Variants in ZNF232 observed in about 807,000 individuals in gnomAD.
ZNF232 encodes zinc finger and SCAN domain-containing protein 11.
In ZNF232, 25 loss-of-function variants were observed where a neutral mutation model predicts 25.2. The observed-to-expected ratio is 0.99, with a 90% CI of 0.72 to 1.39. ZNF232 has a LOEUF of 1.39. ZNF232 is among the 40% of genes most tolerant of loss of function. ZNF232 has a pLI of 0.00. For missense variants in ZNF232, 519 were observed against 520.9 expected, an observed-to-expected ratio of 1.00 and a Z score of 0.04; for synonymous variants, 193 against 182.9, an observed-to-expected ratio of 1.06 and a Z score of -0.45.
chr17:5,116,444 G>T (rs1478079936), upstream of ZNF232: 1 of 152,312 alleles, frequency 6.6e-6, no homozygotes, highest in South Asian at 2.1e-4. Flanking sequence ...GTGAGCCGCC[G>T]TCTCGTGTGG....
chr17:5,116,694 C>CG (rs2072546853), upstream of ZNF232: 1 of 152,250 alleles, frequency 6.6e-6, no homozygotes, highest in African/African-American at 2.4e-5. Flanking sequence ...AGACCGCTTT[C>CG]GAGTCGGGCC....
At chr17:5,122,416 G>A (rs1432997244) in intron 1 of ZNF232, among the ~76,000 whole-genome samples, 2 of 152,202 alleles carry the variant, frequency 1.3e-5, no homozygotes, top group African/African-American at 4.8e-5. Flanking sequence ...TCAGCTGGCA[G>A]TATCCTGGAG....
At chr17:5,108,303 G>A (rs78425850) in intron 3 of ZNF232, among the ~76,000 whole-genome samples, 16 of 152,262 alleles carry the variant, frequency 1.1e-4, no homozygotes, top group South Asian at 4.1e-4. Flanking sequence ...TCTAGTGTTC[G>A]CCGCTGGGAG....
intron 1 of ZNF232, 76 bp from the exon 2 acceptor site, chr17:5,109,944 C>T: frequency 7.2e-7 from 1 of 1,396,888 alleles, no homozygotes; most frequent in Non-Finnish European, 9.5e-7. Flanking sequence ...GGCTGGAGTG[C>T]AGTGACATGA....
intron 1 of ZNF232, chr17:5,118,068 C>CA (rs57176092): frequency 0.096 from 10,423 of 108,928 alleles, 423 homozygotes; most frequent in East Asian, 0.21. Context: ...GACTCCGTCT[C>CA]AAAAAAAAAA....
chr17:5,115,555 A>AAAAAACACACACACAC (rs137912934), upstream of ZNF232, among the ~76,000 whole-genome samples: 1 of 148,664 alleles, frequency 6.7e-6, no homozygotes, highest in Admixed American at 6.7e-5. Context: ...CGTCTCCAAA[A>AAAAAACACACACACAC]ACACACACAC....
upstream of ZNF232, among the ~76,000 whole-genome samples, chr17:5,116,042 C>A (rs2072527947): frequency 6.6e-6 from 1 of 152,232 alleles, no homozygotes; most frequent in African/African-American, 2.4e-5. Context: ...GGACAGCTAG[C>A]GGCGCGGCGG....
At chr17:5,112,690 G>A (rs919892315), upstream of ZNF232, among the ~76,000 whole-genome samples, 6 of 151,826 alleles carry the variant, frequency 4.0e-5, no homozygotes, top group South Asian at 2.1e-4. Flanking sequence ...CTGACCTCGT[G>A]ATCCGCCCGT....
At chr17:5,112,060 C>A, upstream of ZNF232, 1 of 603,212 alleles carries the variant, frequency 1.7e-6, no homozygotes, top group Non-Finnish European at 2.8e-6. Flanking sequence ...CTGGAGCGGC[C>A]GGGTGCCCTG....
intron 2 of ZNF232, 24 bp from the exon 3 acceptor site, chr17:5,109,076 A>C: frequency 6.2e-7 from 1 of 1,613,314 alleles, no homozygotes; most frequent in Non-Finnish European, 8.5e-7. Flanking sequence ...GGCACCACTC[A>C]GTTTAAATTT....
At chr17:5,115,905 A>ATTC, upstream of ZNF232, among the ~76,000 whole-genome samples, 1 of 152,218 alleles carries the variant, frequency 6.6e-6, no homozygotes, top group Non-Finnish European at 1.5e-5. Context: ...GGCTAGGGAA[A>ATTC]GCCTCCCCGG....
chr17:5,114,058 A>G (rs1567760997), upstream of ZNF232: 4 of 152,352 alleles, frequency 2.6e-5, no homozygotes, highest in Middle Eastern at 0.014. Context: ...AATTGCTCTT[A>G]GGAAGCTTAC....
chr17:5,109,792 C>T, exon 2 of ZNF232: 2 of 1,614,210 alleles, frequency 1.2e-6, no homozygotes, highest in Non-Finnish European at 1.7e-6. Flanking sequence ...GTTTCAGCTG[C>T]TGTTAGTGAT....
At chr17:5,106,330 T>C (rs756379618) in exon 4 of ZNF232, 7 of 1,614,102 alleles carry the variant, frequency 4.3e-6, no homozygotes, top group Non-Finnish European at 5.9e-6. Flanking sequence ...GGGGACCACC[T>C]CAGTCTCTCC....
upstream of ZNF232, chr17:5,111,891 C>T: frequency 1.3e-6 from 2 of 1,599,858 alleles, no homozygotes; most frequent in Non-Finnish European, 1.7e-6. Flanking sequence ...CTGCGCAGGT[C>T]GCAGCCTCGG....
chr17:5,107,878 G>C (rs1021523297), intron 3 of ZNF232, among the ~76,000 whole-genome samples: 3 of 151,878 alleles, frequency 2.0e-5, no homozygotes, highest in Middle Eastern at 6.8e-3. Context: ...CAGGTTAAAT[G>C]CTGTGGTTAA....
At chr17:5,119,255 T>A (rs1315853639) in intron 1 of ZNF232, among the ~76,000 whole-genome samples, 4 of 152,238 alleles carry the variant, frequency 2.6e-5, no homozygotes, top group Non-Finnish European at 4.4e-5. Context: ...CTTTGATCAT[T>A]TAGGCTCTTT....
chr17:5,120,793 G>T, intron 1 of ZNF232: 1 of 449,522 alleles, frequency 2.2e-6, no homozygotes, highest in Non-Finnish European at 4.5e-6. Context: ...AGCATGGTGG[G>T]TGGCCATATG....
upstream of ZNF232, among the ~76,000 whole-genome samples, chr17:5,112,640 C>G (rs796617231): frequency 5.9e-4 from 89 of 150,630 alleles, no homozygotes; most frequent in African/African-American, 2.1e-3. Context: ...TGGTAGGAGA[C>G]ACGGCGTTTC....
Sources: gnomAD v4.1 joint callset for allele counts (sites outside exome capture counted in the v4.1 genomes callset) on GRCh38, gnomAD v4.1.1 for gene constraint, MANE v1.5 for transcripts, NCBI Gene and HGNC (gene_info 2026-07-23, HGNC 2026-07-21) for gene names.